Variants in CHEK2 observed in about 807,000 individuals in gnomAD.
CHEK2 encodes serine/threonine-protein kinase Chk2.
A neutral mutation model predicts 69.1 loss-of-function variants in CHEK2; 71 were observed. The ratio of observed to expected loss-of-function variants is 1.03; its 90% CI spans 0.85 to 1.25. CHEK2 has a LOEUF of 1.25. CHEK2 is among the 50% of genes most tolerant of loss of function. The pLI, the probability that CHEK2 is intolerant of heterozygous loss-of-function variation, is 0.00. For synonymous variants in CHEK2, 189 were observed against 226.9 expected, an observed-to-expected ratio of 0.83 and a Z score of 1.50; for missense variants, 664 against 649.6, an observed-to-expected ratio of 1.02 and a Z score of -0.24.
chr22:28,734,320 A>G (rs1302295458), intron 2 of CHEK2, 83 bp downstream of exon 2: 13 of 1,387,010 alleles, frequency 9.4e-6, no homozygotes, highest in Admixed American at 1.9e-5. Context: ...GACAACTCCA[A>G]TCAGAACCTT....
intron 6 of CHEK2, among the ~76,000 whole-genome samples, chr22:28,710,434 G>A (rs2053352631): frequency 6.6e-6 from 1 of 152,086 alleles, no homozygotes; most frequent in African/African-American, 2.4e-5. Flanking sequence ...ATTTTAATTA[G>A]TAAACCCTAC....
rs10694007 is a variant in CHEK2 at position 28,708,363 on chromosome 22, A to ATGTGTGTGTGTGTGTG, written c.846+1627_846+1642dup. ...ACAGAGACAGACTGTCTCTAAAAAT[A>ATGTGTGTGTGTGTGTG]TGTGTGTGTGTGTGTGTGTGTGTGT... On this transcript the variant is annotated intron_variant, in intron 7 of 14. Transcript: ENST00000404276. Among the ~76,000 whole-genome samples, 450 of 139,718 alleles carry ATGTGTGTGTGTGTGTG rather than the reference A, an allele frequency of 3.2e-3. 3 individuals carry two copies. Among genetic ancestry groups the ATGTGTGTGTGTGTGTG allele is most frequent in the Non-Finnish European group, 4.5e-3 (293 of 65,100 alleles). 91.7% of individuals were successfully genotyped at this position (139,718 alleles called of 152,430 possible).
At chr22:28,713,438 C>T (rs2053478346) in intron 5 of CHEK2, among the ~76,000 whole-genome samples, 1 of 151,534 alleles carries the variant, frequency 6.6e-6, no homozygotes, top group South Asian at 2.1e-4. Flanking sequence ...CGGCTCACCG[C>T]AAGCTCCGCC....
chr22:28,717,212 A>G (rs987252251), intron 5 of CHEK2, among the ~76,000 whole-genome samples: 41 of 152,164 alleles, frequency 2.7e-4, no homozygotes, highest in African/African-American at 9.2e-4. Flanking sequence ...CCCCATCTCT[A>G]TTAAAAATAC....
At chr22:28,709,966 G>C (rs1369135001) in intron 7 of CHEK2, 40 bp downstream of exon 7, 1 of 1,128,860 alleles carries the variant, frequency 8.9e-7, no homozygotes, top group East Asian at 2.4e-5. Flanking sequence ...CATATTTTGA[G>C]ATAGATAAAT....
intron 5 of CHEK2, among the ~76,000 whole-genome samples, chr22:28,715,153 C>G (rs1428043307): frequency 1.3e-5 from 2 of 152,136 alleles, no homozygotes; most frequent in Non-Finnish European, 2.9e-5. Flanking sequence ...GTTGTAGTTT[C>G]TAGACAAAGA....
intron 4 of CHEK2, chr22:28,721,743 T>C (rs916657198): frequency 1.1e-4 from 38 of 359,564 alleles, no homozygotes; most frequent in Non-Finnish European, 1.8e-4. Flanking sequence ...TACATATAAT[T>C]TTTTTGAGAC....
chr22:28,708,040 C>T (rs1179927380), intron 7 of CHEK2, among the ~76,000 whole-genome samples: 6 of 152,026 alleles, frequency 3.9e-5, no homozygotes, highest in Non-Finnish European at 5.9e-5. Context: ...GGGATTTCAC[C>T]GTGTTAGCCA....
At chr22:28,717,459 T>C (rs1350508275) in intron 5 of CHEK2, among the ~76,000 whole-genome samples, 4 of 152,014 alleles carry the variant, frequency 2.6e-5, no homozygotes, top group Admixed American at 6.6e-5. Context: ...CTTGGCAAAA[T>C]GCAGTGGTTC....
intron 9 of CHEK2, among the ~76,000 whole-genome samples, chr22:28,697,529 A>G (rs2052640089): frequency 6.6e-6 from 1 of 151,882 alleles, no homozygotes; most frequent in South Asian, 2.1e-4. Context: ...AAAAATGAAC[A>G]AACACCAACA....
chr22:28,706,298 TCACACA>T (rs113795955), intron 7 of CHEK2, among the ~76,000 whole-genome samples: 27,855 of 147,844 alleles, frequency 0.19, 2,760 homozygotes, highest in East Asian at 0.38. Flanking sequence ...ACACTCCAGC[TCACACA>T]CACACACACA....
intron 5 of CHEK2, 74 bp from the exon 6 acceptor site, chr22:28,712,091 C>T: frequency 1.0e-6 from 1 of 1,001,502 alleles, no homozygotes; most frequent in Admixed American, 1.8e-5. Context: ...GGGTCCACTT[C>T]AAGTATTAGA....
intron 4 of CHEK2, among the ~76,000 whole-genome samples, chr22:28,719,933 G>T (rs1035545069): frequency 5.9e-5 from 9 of 151,998 alleles, no homozygotes; most frequent in African/African-American, 2.2e-4. Context: ...TCACCATACG[G>T]GTATTATCAT....
intron 7 of CHEK2, 86 bp from the exon 8 acceptor site, chr22:28,703,652 A>G: frequency 4.7e-6 from 4 of 857,230 alleles, no homozygotes; most frequent in Non-Finnish European, 7.6e-6. Context: ...GCCCAGAGGG[A>G]CAGGGAGGCC....
At chr22:28,731,203 AAAAT>A (rs1156279267) in intron 2 of CHEK2, among the ~76,000 whole-genome samples, 3 of 152,022 alleles carry the variant, frequency 2.0e-5, no homozygotes, top group African/African-American at 7.3e-5. Context: ...ATCCTGTCTC[AAAAT>A]AAACAAACAA....
At chr22:28,709,017 A>T in intron 7 of CHEK2, 1 of 407,434 alleles carries the variant, frequency 2.5e-6, no homozygotes, top group Non-Finnish European at 4.9e-6. Flanking sequence ...TTAGCTGGAC[A>T]GGAGAGAGAT....
intron 13 of CHEK2, among the ~76,000 whole-genome samples, chr22:28,691,106 A>C (rs1261327050): frequency 2.0e-5 from 3 of 152,158 alleles, no homozygotes; most frequent in Non-Finnish European, 2.9e-5. Flanking sequence ...TTGCAGTGTC[A>C]CTCTCAAAAG....
At chr22:28,726,791 T>C (rs1367442452) in intron 2 of CHEK2, among the ~76,000 whole-genome samples, 3 of 143,200 alleles carry the variant, frequency 2.1e-5, no homozygotes, top group Non-Finnish European at 3.0e-5. Context: ...CTCTTCCTCA[T>C]GGCCTACTAG....
At chr22:28,697,036 A>C in intron 9 of CHEK2, 49 bp from the exon 10 acceptor site, 1 of 1,184,874 alleles carries the variant, frequency 8.4e-7, no homozygotes, top group Non-Finnish European at 1.3e-6. Flanking sequence ...GTAGATACTT[A>C]AGTAGAATCA....
Sources: allele counts gnomAD v4.1 joint callset (sites outside exome capture counted in the v4.1 genomes callset), GRCh38; gene constraint gnomAD v4.1.1; transcripts MANE v1.5; gene names NCBI Gene and HGNC (gene_info 2026-07-23, HGNC 2026-07-21).